The following PRKN variants were observed in gnomAD, a reference collection of about 807,000 sequenced individuals.
The protein encoded by PRKN is parkin RBR E3 ubiquitin protein ligase.
A neutral mutation model predicts 59.5 loss-of-function variants in PRKN; 56 were observed. The ratio of observed to expected loss-of-function variants is 0.94; its 90% CI spans 0.76 to 1.18. PRKN has a LOEUF of 1.18. Ranked by LOEUF, PRKN falls within the 50% of genes most tolerant of loss-of-function variation. PRKN has a pLI of 0.00. For missense variants in PRKN, 657 were observed against 596.4 expected (o/e 1.10, Z -1.06); for synonymous variants, 250 against 222.1 (o/e 1.13, Z -1.12).
intron 6 of PRKN, among the ~76,000 whole-genome samples, chr6:161,836,985 C>T (rs572341891): frequency 5.9e-5 from 9 of 152,250 alleles, no homozygotes; most frequent in East Asian, 1.9e-4. Flanking sequence ...GTTTTCGCTC[C>T]GCTCCCACAC....
At position 161,588,626 on chromosome 6, in the gene PRKN, C is replaced by T. The variant is rs1781603694; in HGVS notation, c.872-19210G>A. On this transcript the variant is annotated intron_variant, in intron 7 of 11. Transcript: ENST00000366898. The surrounding 1 kb of genome is among the most constrained non-coding windows in gnomAD (Gnocchi z 5.0). ...GGACCTCTCGGTGCATACCGTAAAG[C>T]CCCATGATACTGATCCATGTGAGCC... Among the ~76,000 whole-genome samples the T allele has an allele frequency of 6.6e-6, 1 of 151,924 alleles. No individual in the cohort carries two copies. The highest frequency in any genetic ancestry group is 6.6e-5 in the Admixed American group (1 of 15,258).
At chr6:161,838,890 T>C (rs999583246) in intron 6 of PRKN, among the ~76,000 whole-genome samples, 23 of 152,262 alleles carry the variant, frequency 1.5e-4, no homozygotes, top group African/African-American at 5.3e-4. Flanking sequence ...CAACTCACTT[T>C]GATCTGTAAC....
intron 4 of PRKN, among the ~76,000 whole-genome samples, chr6:162,189,398 G>A (rs1288857478): frequency 6.6e-6 from 1 of 151,110 alleles, no homozygotes; most frequent in African/African-American, 2.4e-5. Flanking sequence ...TTAGATGACT[G>A]CAAAGTTGAT....
intron 6 of PRKN, among the ~76,000 whole-genome samples, chr6:161,902,167 G>A (rs115871651): frequency 2.6e-3 from 400 of 152,228 alleles, no homozygotes; most frequent in African/African-American, 9.4e-3. Context: ...CCCTGGCTGG[G>A]CTTATGCTGC....
intron 1 of PRKN, among the ~76,000 whole-genome samples, chr6:162,561,568 A>G (rs540931396): frequency 1.3e-5 from 2 of 152,334 alleles, no homozygotes; most frequent in East Asian, 3.9e-4. Flanking sequence ...ATTTAAAAAA[A>G]CAAAAACAAA....
chr6:161,509,377 G>A lies in PRKN; in HGVS notation c.1083+39477C>T, dbSNP rs148353182. Among the ~76,000 whole-genome samples, 480 of 152,108 alleles carry A rather than the reference G, an allele frequency of 3.2e-3. 4 individuals carry two copies. Among genetic ancestry groups the A allele is most frequent in the African/African-American group, 0.011 (459 of 41,522 alleles). On this transcript the variant is annotated intron_variant, in intron 9 of 11. Transcript: ENST00000366898. Reference sequence around the variant, plus strand: ...GATCCATTCTGAGATCAAAAAGAATGGCAAAGCCTCGAAAAAGAGAGGTAA... The same window carrying A: ...GATCCATTCTGAGATCAAAAAGAATAGCAAAGCCTCGAAAAAGAGAGGTAA...
At chr6:161,602,860 G>T (rs968115739) in intron 7 of PRKN, among the ~76,000 whole-genome samples, 4 of 152,108 alleles carry the variant, frequency 2.6e-5, no homozygotes, top group African/African-American at 9.7e-5. Flanking sequence ...TCTAATCCTT[G>T]CCCTCAAAGA....
At chr6:161,771,214 G>A (rs1258674338) in intron 7 of PRKN, among the ~76,000 whole-genome samples, 2 of 151,914 alleles carry the variant, frequency 1.3e-5, no homozygotes, top group African/African-American at 4.8e-5. Flanking sequence ...AAATTAGCCT[G>A]GCATCATGGC....
chr6:161,872,418 A>G (rs1272000692), intron 6 of PRKN, among the ~76,000 whole-genome samples: 1 of 152,162 alleles, frequency 6.6e-6, no homozygotes, highest in African/African-American at 2.4e-5. Context: ...TATCTTTCTC[A>G]AATCTTCTCC....
At chr6:162,601,096 G>A (rs1334572785) in intron 1 of PRKN, among the ~76,000 whole-genome samples, 2 of 152,104 alleles carry the variant, frequency 1.3e-5, no homozygotes, top group South Asian at 2.1e-4. Context: ...ACAAGGCAAC[G>A]GCACCTGGTG....
At chr6:162,166,107 C>T (rs923815839) in intron 4 of PRKN, among the ~76,000 whole-genome samples, 14 of 144,444 alleles carry the variant, frequency 9.7e-5, no homozygotes, top group Non-Finnish European at 2.1e-4. Context: ...GTGGTTTACA[C>T]AACAAATGTT....
At chr6:162,391,836 G>T (rs754213864) in intron 2 of PRKN, among the ~76,000 whole-genome samples, 14 of 152,046 alleles carry the variant, frequency 9.2e-5, no homozygotes, top group Non-Finnish European at 2.1e-4. Flanking sequence ...AAAAATCTTA[G>T]GTTAGTGCTA....
At chr6:161,617,036 A>G (rs1782723827) in intron 7 of PRKN, among the ~76,000 whole-genome samples, 1 of 152,198 alleles carries the variant, frequency 6.6e-6, no homozygotes, top group African/African-American at 2.4e-5. Context: ...TCAGTGTAAA[A>G]GCATTCCTAT....
intron 1 of PRKN, among the ~76,000 whole-genome samples, chr6:162,534,673 C>G (rs1778646448): frequency 6.6e-6 from 1 of 152,186 alleles, no homozygotes; most frequent in South Asian, 2.1e-4. Flanking sequence ...CCTCAGACAA[C>G]TGCACTCAAG....
At chr6:162,550,328 C>T (rs766502009) in intron 1 of PRKN, among the ~76,000 whole-genome samples, 4 of 152,102 alleles carry the variant, frequency 2.6e-5, no homozygotes, top group Non-Finnish European at 4.4e-5. Context: ...AGAAATAGAG[C>T]GTCTGGGGGC....
At chr6:162,301,785 G>C (rs963299740) in intron 2 of PRKN, among the ~76,000 whole-genome samples, 2 of 116,442 alleles carry the variant, frequency 1.7e-5, no homozygotes, top group Non-Finnish European at 1.8e-5. Context: ...GGCCGGGGCG[G>C]GGGGGGGGTG....
intron 7 of PRKN, among the ~76,000 whole-genome samples, chr6:161,763,323 A>AG (rs887667515): frequency 6.6e-6 from 1 of 152,116 alleles, no homozygotes; most frequent in African/African-American, 2.4e-5. Flanking sequence ...GAGACAAAGA[A>AG]GGGGTCTTTG....
chr6:161,908,654 G>C (rs1778240969), intron 6 of PRKN, among the ~76,000 whole-genome samples: 1 of 125,094 alleles, frequency 8.0e-6, no homozygotes, highest in Non-Finnish European at 1.7e-5. Context: ...AATCAGTGAA[G>C]TTCTTTTCAA....
chr6:161,617,643 T>A (rs775065619), intron 7 of PRKN, among the ~76,000 whole-genome samples: 1 of 152,218 alleles, frequency 6.6e-6, no homozygotes, highest in African/African-American at 2.4e-5. Context: ...TTTAGTGAGA[T>A]GGGTTTGTGG....
Sources: gnomAD v4.1 joint callset for allele counts (sites outside exome capture counted in the v4.1 genomes callset) on GRCh38, gnomAD v4.1.1 for gene constraint, Gnocchi (gnomAD v3.1) non-coding constraint, MANE v1.5 for transcripts, NCBI Gene and HGNC (gene_info 2026-07-23, HGNC 2026-07-21) for gene names.